The following FBLIM1 variants were observed in gnomAD, a reference collection of about 807,000 sequenced individuals.
The protein encoded by FBLIM1 is filamin binding LIM protein 1.
FBLIM1 carries 29 observed loss-of-function variants against 37.4 expected under a neutral mutation model. The observed-to-expected ratio is 0.77, with a 90% CI of 0.58 to 1.06. The LOEUF (loss-of-function observed/expected upper bound fraction) is 1.06. FBLIM1 is among the 50% of genes least tolerant of loss of function. The probability of loss-of-function intolerance (pLI) is 0.00; values close to 1 mark genes in which losing one functional copy is unlikely to be tolerated. For missense variants in FBLIM1, 449 were observed against 505.6 expected, an observed-to-expected ratio of 0.89 and a Z score of 1.07; for synonymous variants, 193 against 199.0, an observed-to-expected ratio of 0.97 and a Z score of 0.25.
At position 15,784,630 on chromosome 1, in the gene FBLIM1, A is replaced by C; in HGVS notation, c.1091A>C (p.His364Pro). Residue 364 changes from histidine to proline, a missense_variant, in exon 9 of 9, where the codon CAT (histidine) becomes CCT (proline). His to Pro is a moderately conservative substitution (Grantham distance 77). Transcript: ENST00000375766. ...LNNHLFCKPC[H>P]VKRSAAGCC Reference sequence around the variant, plus strand: ...AACCATCTCTTCTGCAAGCCATGCCATGTGAAGCGGAGTGCTGCGGGGTGC... The same window carrying C: ...AACCATCTCTTCTGCAAGCCATGCCCTGTGAAGCGGAGTGCTGCGGGGTGC... 6.2e-7 allele frequency: 1 copy of C among 1,614,172 alleles called. No homozygotes were observed. Among genetic ancestry groups the C allele is most frequent in the Non-Finnish European group, 8.5e-7 (1 of 1,179,990 alleles).
Position 15,768,608 on chromosome 1 carries a change from T to C in FBLIM1, c.519T>C (p.Pro173=). 6.2e-7 allele frequency: 1 copy of C among 1,611,830 alleles called. No individual in the cohort carries two copies. The highest frequency in any genetic ancestry group is 2.2e-5 in the East Asian group (1 of 44,624). Residue 173 remains proline, a synonymous_variant, in exon 5 of 9, where the codon CCT becomes CCC. Transcript: ENST00000375766. Reference sequence around the variant, plus strand: ...AGCTGCCACCTCCCCCGGCAGAACCTGTTGAGAAAGGGGCATCCACAGGTA... The same window carrying C: ...AGCTGCCACCTCCCCCGGCAGAACCCGTTGAGAAAGGGGCATCCACAGGTA... ...EEELPPPPAE[P]VEKGASTDIC...
chr1:15,776,184 A>G (rs997297011), intron 7 of FBLIM1, among the ~76,000 whole-genome samples: 5 of 151,810 alleles, frequency 3.3e-5, no homozygotes, highest in South Asian at 4.2e-4. Context: ...TTGGGAGGCC[A>G]AGGCAGAGGT....
rs1221654735 is a variant in FBLIM1, at chr1:15,781,775, GTGGTGCAAT to G, written c.1009-2772_1009-2764del. Among the ~76,000 whole-genome samples the G allele has an allele frequency of 7.7e-5, 11 of 142,178 alleles. 1 individual carries two copies. In the South Asian group the frequency reaches 2.6e-3, roughly 34 times the overall value. The allele number at this position is 142,178 out of a possible 152,430, so 93.3% of individuals were successfully genotyped here. On this transcript the variant is annotated intron_variant, in intron 8 of 8. Coordinates refer to ENST00000375766, the MANE Select transcript of FBLIM1 (RefSeq NM_017556.4). Reference sequence around the variant, plus strand: ...GCTCTGTCGCCCAGGCTGGAGTGCAGTGGTGCAATCTCGGCTCACTGCAAGCTGCACCTC... The same window carrying G: ...GCTCTGTCGCCCAGGCTGGAGTGCAGCTCGGCTCACTGCAAGCTGCACCTC...
intron 4 of FBLIM1, 104 bp from the exon 5 acceptor site, chr1:15,768,412 TGGTTTCCTTCTC>T (rs1433638271): frequency 9.7e-6 from 6 of 619,282 alleles, no homozygotes; most frequent in Non-Finnish European, 1.3e-5. Flanking sequence ...CCCTGGGCCT[TGGTTTCCTTCTC>T]GGTACAATGC....
intron 8 of FBLIM1, among the ~76,000 whole-genome samples, chr1:15,781,997 T>C (rs377199531): frequency 2.6e-5 from 4 of 151,908 alleles, no homozygotes; most frequent in African/African-American, 7.2e-5. Flanking sequence ...GAATTACAGG[T>C]GTGAGCCACC....
intron 1 of FBLIM1, among the ~76,000 whole-genome samples, chr1:15,761,530 A>G (rs1230505908): frequency 6.6e-6 from 1 of 152,198 alleles, no homozygotes; most frequent in Non-Finnish European, 1.5e-5. Flanking sequence ...TTTAAATCTC[A>G]CATGTACTCT....
chr1:15,785,963 A>AG lies in FBLIM1; in HGVS notation c.*1306dup, dbSNP rs906860436. 40 of 152,410 alleles carry AG rather than the reference A, an allele frequency of 2.6e-4. No homozygotes were observed. The highest frequency in any genetic ancestry group is 9.1e-4 in the African/African-American group (38 of 41,580). 9.4% of individuals were successfully genotyped at this position (152,410 alleles called of 1,614,324 possible). ...CTGGTATATGCTGGGAACAGGGTGC[A>AG]GGGGCCAAGCGTTCCTCCTTCAGCC... is the stretch of plus-strand genomic sequence containing the variant. On this transcript the variant is annotated 3_prime_UTR_variant, in exon 9 of 9. Coordinates refer to ENST00000375766, the MANE Select transcript of FBLIM1 (RefSeq NM_017556.4).
chr1:15,759,213 G>T (rs1193194098), intron 1 of FBLIM1, among the ~76,000 whole-genome samples: 1 of 152,168 alleles, frequency 6.6e-6, no homozygotes, highest in Non-Finnish European at 1.5e-5. Flanking sequence ...GCGGCGCCCA[G>T]CGGTGACCCC....
chr1:15,785,271 G>A lies in FBLIM1; in HGVS notation c.*610G>A, dbSNP rs2069743112. 4 of 151,454 alleles carry A rather than the reference G, an allele frequency of 2.6e-5. No individual in the cohort carries two copies. The Admixed American group carries it at 2.7e-4, about 10-fold the overall frequency. The allele number at this position is 151,454 out of a possible 1,614,324, so 9.4% of individuals were successfully genotyped here. On this transcript the variant is annotated 3_prime_UTR_variant, in exon 9 of 9. Coordinates refer to ENST00000375766, the MANE Select transcript of FBLIM1 (RefSeq NM_017556.4). ...AATTGCTTCAATCTGGAAGGCAGAG[G>A]TTGCAGTGAGATTGCACCATTGCAT...
intron 7 of FBLIM1, among the ~76,000 whole-genome samples, chr1:15,775,405 T>G (rs1249819634): frequency 1.3e-5 from 2 of 148,374 alleles, no homozygotes; most frequent in South Asian, 2.1e-4. Context: ...CATGGTGGTG[T>G]GTGCCTGTAG....
At chr1:15,771,396 G>T (rs1052918548) in intron 6 of FBLIM1, among the ~76,000 whole-genome samples, 1 of 151,406 alleles carries the variant, frequency 6.6e-6, no homozygotes, top group East Asian at 1.9e-4. Context: ...ACAGGTGCCT[G>T]CCACCATGCC....
chr1:15,785,005 G>A lies in FBLIM1; in HGVS notation c.*344G>A. 4.9e-6 allele frequency: 1 copy of A among 204,036 alleles called. No individual in the cohort carries two copies. The highest frequency in any genetic ancestry group is 9.9e-6 in the Non-Finnish European group (1 of 100,570). The allele number at this position is 204,036 out of a possible 1,614,324, so 12.6% of individuals were successfully genotyped here. ...GGACCAGCCTCGCCTGTGGGGTTGA[G>A]CTGTTTGAGGACAAACTCCAAGGTC... On this transcript the variant is annotated 3_prime_UTR_variant, in exon 9 of 9. Transcript: ENST00000375766.
chr1:15,767,545 G>GGCCC lies in FBLIM1; in HGVS notation c.420_421insGCCC (p.Pro141AlafsTer36). 7.9e-7 allele frequency: 1 copy of GGCCC among 1,257,970 alleles called. No homozygotes were observed. The highest frequency in any genetic ancestry group is 1.0e-6 in the Non-Finnish European group (1 of 954,632). The allele number at this position is 1,257,970 out of a possible 1,614,324, so 77.9% of individuals were successfully genotyped here. The stretch of plus-strand genomic sequence containing the variant: ...ACTTAGAGCAGCTGCACCTGTCCCC[G>GGCCC]CCCCCGCCCCCACCACAGGTACTGC... On this transcript the variant is annotated frameshift_variant, in exon 4 of 9. Transcript: ENST00000375766. LOFTEE classifies it high-confidence loss of function.
intron 4 of FBLIM1, 130 bp downstream of exon 4, chr1:15,767,693 A>C (rs1259612064): frequency 2.0e-6 from 1 of 493,356 alleles, no homozygotes; most frequent in African/African-American, 2.0e-5. Context: ...GCTCGGGGGC[A>C]GTCCCTCTTT....
At chr1:15,773,630 G>C (rs2069336039) in intron 6 of FBLIM1, among the ~76,000 whole-genome samples, 5 of 141,522 alleles carry the variant, frequency 3.5e-5, no homozygotes, top group Non-Finnish European at 7.5e-5. Context: ...GGTGAGCCAA[G>C]ATTGCGCCAC....
At chr1:15,776,571 G>C (rs956247620) in intron 7 of FBLIM1, among the ~76,000 whole-genome samples, 1 of 151,824 alleles carries the variant, frequency 6.6e-6, no homozygotes, top group Admixed American at 6.6e-5. Flanking sequence ...TCTTAAGAAA[G>C]AAAGAAGTAC....
chr1:15,765,166 C>A lies in FBLIM1; in HGVS notation c.183C>A (p.Ser61Arg). 3.1e-6 allele frequency: 5 copies of A among 1,613,782 alleles called. No individual in the cohort carries two copies. The highest frequency in any genetic ancestry group is 4.2e-6 in the Non-Finnish European group (5 of 1,179,934). ...TPEAGLAGRP[S>R]PWTTPGRAAA... ...AGGCTGGCTTGGCGGGGAGGCCCAG[C>A]CCCTGGACAACCCCTGGCAGAGCTG... The change falls in exon 3 of 9, where the codon AGC (serine) becomes AGA (arginine). Residue 61 changes from serine (S) to arginine (R), a missense_variant. By Grantham distance (110) the Ser-to-Arg change is moderately radical (BLOSUM62 -1). Transcript: ENST00000375766. The surrounding 1 kb of genome is among the most constrained non-coding windows in gnomAD (Gnocchi z 5.9).
chr1:15,782,848 T>G (rs1442953974), intron 8 of FBLIM1, among the ~76,000 whole-genome samples: 1 of 147,418 alleles, frequency 6.8e-6, no homozygotes, highest in Non-Finnish European at 1.5e-5. Context: ...TTGCCCTGTC[T>G]CCCAGGCTGG....
intron 8 of FBLIM1, among the ~76,000 whole-genome samples, chr1:15,782,192 A>G (rs1222104569): frequency 3.3e-5 from 5 of 151,424 alleles, no homozygotes; most frequent in Non-Finnish European, 5.9e-5. Context: ...CAGGAGGATC[A>G]CTTGAGCCCA....
Sources: allele counts gnomAD v4.1 joint callset (sites outside exome capture counted in the v4.1 genomes callset), GRCh38; gene constraint gnomAD v4.1.1; non-coding constraint Gnocchi (gnomAD v3.1); transcripts MANE v1.5; gene names NCBI Gene and HGNC (gene_info 2026-07-23, HGNC 2026-07-21).